The following GRID2IP variants were observed in gnomAD, a reference collection of about 807,000 sequenced individuals.
GRID2IP encodes the protein delphilin.
In GRID2IP, 78 loss-of-function variants were observed where a neutral mutation model predicts 114.3. That is an observed-to-expected ratio of 0.68 (90% CI 0.57 to 0.82). The LOEUF (loss-of-function observed/expected upper bound fraction) is 0.82. Ranked by LOEUF, GRID2IP falls within the 40% of genes least tolerant of loss-of-function variation. GRID2IP has a pLI of 0.00. For synonymous variants in GRID2IP, 809 were observed against 724.0 expected, an observed-to-expected ratio of 1.12 and a Z score of -1.89; for missense variants, 1,727 against 1,678.5, an observed-to-expected ratio of 1.03 and a Z score of -0.51.
intron 1 of GRID2IP, among the ~76,000 whole-genome samples, chr7:6,546,064 T>C (rs1186344901): frequency 2.0e-5 from 3 of 151,938 alleles, no homozygotes; most frequent in Non-Finnish European, 4.4e-5. Flanking sequence ...TGAGGTATCA[T>C]CACGGGACAC....
chr7:6,541,282 G>A (rs1230256765), intron 1 of GRID2IP, among the ~76,000 whole-genome samples: 1 of 152,170 alleles, frequency 6.6e-6, no homozygotes, highest in Non-Finnish European at 1.5e-5. Flanking sequence ...AAAGAGAGCT[G>A]TTCTAATAAA....
intron 2 of GRID2IP, among the ~76,000 whole-genome samples, chr7:6,533,674 C>CTTTT (rs1179952257): frequency 5.2e-5 from 7 of 135,512 alleles, no homozygotes; most frequent in African/African-American, 1.6e-4. Context: ...CATTTTTAAA[C>CTTTT]TTTTTTTTTT....
intron 2 of GRID2IP, among the ~76,000 whole-genome samples, chr7:6,538,602 G>T (rs1276033680): frequency 6.6e-6 from 1 of 152,010 alleles, no homozygotes; most frequent in Non-Finnish European, 1.5e-5. Flanking sequence ...ATCAGGCCGG[G>T]TACAGTGGCT....
intron 2 of GRID2IP, among the ~76,000 whole-genome samples, chr7:6,530,517 AC>A (rs1397666071): frequency 1.8e-5 from 1 of 54,268 alleles, no homozygotes; most frequent in East Asian, 4.7e-4. Context: ...CGCACCCCCC[AC>A]CCCCCTCGCC....
At position 6,497,821 on chromosome 7, in the gene GRID2IP, C is replaced by A. The variant is rs560310919; in HGVS notation, c.3589G>T (p.Gly1197Trp). Reference protein sequence around the residue: ...FERALSDLQAGEGLRSSGMVS... With the variant: ...FERALSDLQAWEGLRSSGMVS... ...ATCCCGGAGCTGCGCAGGCCCTCCC[C>A]GGCCTGCAGGTCACTCAGCGCTCGC... is the stretch of plus-strand genomic sequence containing the variant. The change falls in exon 22 of 22, where the codon GGG becomes TGG. Residue 1197 changes from glycine to tryptophan, a missense_variant. Transcript: ENST00000457091. 1 of 1,550,182 alleles carries A rather than the reference C, an allele frequency of 6.5e-7. No homozygotes were observed. The highest frequency in any genetic ancestry group is 8.7e-7 in the Non-Finnish European group (1 of 1,146,718).
At chr7:6,549,679 A>G (rs1358711034) in intron 1 of GRID2IP, among the ~76,000 whole-genome samples, 2 of 152,104 alleles carry the variant, frequency 1.3e-5, no homozygotes, top group Non-Finnish European at 2.9e-5. Flanking sequence ...GCAGTGCAGT[A>G]GCATGATCTC....
intron 4 of GRID2IP, among the ~76,000 whole-genome samples, chr7:6,525,053 C>T (rs1438817666): frequency 6.6e-6 from 1 of 152,022 alleles, no homozygotes; most frequent in Non-Finnish European, 1.5e-5. Context: ...GCCTGTAATT[C>T]CAGAACTTTA....
chr7:6,510,763 A>C, intron 9 of GRID2IP, 57 bp from the exon 10 acceptor site: 1 of 1,510,370 alleles, frequency 6.6e-7, no homozygotes. Context: ...GCCCCGGCCC[A>C]GAACCAACAT....
At chr7:6,531,247 GC>G (rs1340668102) in intron 2 of GRID2IP, 2 of 406,278 alleles carry the variant, frequency 4.9e-6, no homozygotes, top group Non-Finnish European at 8.6e-6. Context: ...CCGCAGCCCC[GC>G]CCTGGCCCCT....
In GRID2IP at chr7:6,532,673, G is replaced by A. The variant is rs749272997; in HGVS notation, c.585-5904C>T. On this transcript the variant is annotated intron_variant, in intron 2 of 21. Transcript: ENST00000457091. This position sits in a 1 kb window ranked among gnomAD's most constrained non-coding sequence, Gnocchi z 4.4. ...CTCCCAGCCAGCACAGCTCTCTGTCGTCTGTGGGGCCCCAGCCATCCCATT... is the reference window on the plus strand; with the variant it reads ...CTCCCAGCCAGCACAGCTCTCTGTCATCTGTGGGGCCCCAGCCATCCCATT... Among the ~76,000 whole-genome samples the A allele has an allele frequency of 8.5e-5, 13 of 152,202 alleles. No homozygotes were observed. The highest frequency in any genetic ancestry group is 1.7e-4 in the African/African-American group (7 of 41,458).
Position 6,510,267 on chromosome 7 carries a change from G to GA in GRID2IP, c.1771+15dup. ...GGAAACACCCAGACAGTAGATGACA[G>GA]AGGCTGGAGCCCTACCTGTGGTGAC... On this transcript the variant is annotated intron_variant, in intron 11 of 21. Coordinates refer to ENST00000457091, the MANE Select transcript of GRID2IP (RefSeq NM_001145118.2). 1 of 1,496,220 alleles carries GA rather than the reference G, an allele frequency of 6.7e-7. No individual in the cohort carries two copies. Among genetic ancestry groups the GA allele is most frequent in the Non-Finnish European group, 9.1e-7 (1 of 1,104,602 alleles). 92.7% of individuals were successfully genotyped at this position (1,496,220 alleles called of 1,614,324 possible).
Position 6,514,518 on chromosome 7 carries a change from G to A in GRID2IP, c.1280C>T (p.Thr427Ile). 1 of 1,525,018 alleles carries A rather than the reference G, an allele frequency of 6.6e-7. No homozygotes were observed. Among genetic ancestry groups the A allele is most frequent in the African/African-American group, 1.4e-5 (1 of 72,558 alleles). The allele number at this position is 1,525,018 out of a possible 1,614,324, so 94.5% of individuals were successfully genotyped here. A position where few individuals can be genotyped will look rare whatever the true frequency, so the allele number is the denominator to read the frequency against. Residue 427 changes from threonine (T) to isoleucine (I), a missense_variant, in exon 8 of 22, where the codon ACC becomes ATC. Physicochemically the swap from Thr to Ile is moderately conservative, Grantham distance 89 (BLOSUM62 -1). Coordinates refer to ENST00000457091, the MANE Select transcript of GRID2IP (RefSeq NM_001145118.2). ...ESFFQHRNID[T>I]LIVDVYPVLD... ...CACAGGGTAGACGTCAACGATGAGG[G>A]TGTCGATGTTCCTGGGGGAAGGTGC... is the stretch of plus-strand genomic sequence containing the variant.
At chr7:6,510,169 C>T in intron 11 of GRID2IP, 114 bp downstream of exon 11, 1 of 633,208 alleles carries the variant, frequency 1.6e-6, no homozygotes, top group Non-Finnish European at 2.7e-6. Context: ...GTCACAGGGC[C>T]ATGGGAGGGA....
Position 6,551,295 on chromosome 7 carries a change from G to T in GRID2IP, c.142C>A (p.Gln48Lys). ...GCCAGCCCCTCCACCTCCAGGATCT[G>T]GTCTCCTGGCCGCAGTCCTCCGGCA... ...AHAGGLRPGDQILEVEGLAVG... is the reference protein window; with the variant it reads ...AHAGGLRPGDKILEVEGLAVG... Residue 48 changes from glutamine to lysine, a missense_variant, in exon 1 of 22, where the codon CAG becomes AAG. Gln to Lys is a moderately conservative substitution (Grantham distance 53). Coordinates refer to ENST00000457091, the MANE Select transcript of GRID2IP (RefSeq NM_001145118.2). 1 of 1,542,428 alleles carries T rather than the reference G, an allele frequency of 6.5e-7. No individual in the cohort carries two copies. Among genetic ancestry groups the T allele is most frequent in the African/African-American group, 1.4e-5 (1 of 73,076 alleles).
chr7:6,506,679 GTAT>G lies in GRID2IP; in HGVS notation c.2545-775_2545-773del, dbSNP rs1786600218. On this transcript the variant is annotated intron_variant, in intron 13 of 21. Transcript: ENST00000457091. The surrounding 1 kb of genome is among the most constrained non-coding windows in gnomAD (Gnocchi z 5.2). ...TTATTTGTGCCCTTGTCTCACTGAG[GTAT>G]TTTTTTTTTTTTTTTTTTAGATAGG... 2.4e-5 allele frequency among the ~76,000 whole-genome samples: 3 copies of G among 127,272 alleles called. No individual in the cohort carries two copies. Among genetic ancestry groups the G allele is most frequent in the African/African-American group, 2.8e-5 (1 of 35,252 alleles). 83.5% of individuals were successfully genotyped at this position (127,272 alleles called of 152,430 possible).
rs533701615 is a variant in GRID2IP, at chr7:6,497,349, C to T, written c.*425G>A. 103 of 156,984 alleles carry T rather than the reference C, an allele frequency of 6.6e-4. No individual in the cohort carries two copies. The highest frequency in any genetic ancestry group is 2.3e-3 in the African/African-American group (97 of 41,762). The allele number at this position is 156,984 out of a possible 1,614,324, so 9.7% of individuals were successfully genotyped here. ...TCCGGCTTTCTGCCCTCTCGCGTCT[C>T]GCGCCTGCCTGCAGGGTCGTGCTCA... On this transcript the variant is annotated 3_prime_UTR_variant, in exon 22 of 22. Transcript: ENST00000457091.
chr7:6,514,403 T>C lies in GRID2IP; in HGVS notation c.1395A>G (p.Ala465=), dbSNP rs138298168. ...TCATGGCCGTGTAGCCCAGGAAGCA[T>C]GCGATTTTCTCCTGACAGAGCTCCT... is the stretch of plus-strand genomic sequence containing the variant. The part of the protein sequence containing the change: ...EEQELCQEKI[A]CFLGYTAMTA... The change falls in exon 8 of 22, where the codon GCA becomes GCG. Residue 465 remains alanine, a synonymous_variant. Transcript: ENST00000457091. 3 of 1,541,368 alleles carry C rather than the reference T, an allele frequency of 1.9e-6. No homozygotes were observed. The highest frequency in any genetic ancestry group is 1.2e-5 in the South Asian group (1 of 83,346).
At position 6,509,196 on chromosome 7, in the gene GRID2IP, T is replaced by C. The variant is rs1562514059; in HGVS notation, c.1889A>G (p.Tyr630Cys). 7 of 1,482,750 alleles carry C rather than the reference T, an allele frequency of 4.7e-6. No individual in the cohort carries two copies. Among genetic ancestry groups the C allele is most frequent in the Non-Finnish European group, 6.3e-6 (7 of 1,113,754 alleles). The allele number at this position is 1,482,750 out of a possible 1,614,324, so 91.8% of individuals were successfully genotyped here. A position where few individuals can be genotyped will look rare whatever the true frequency, so the allele number is the denominator to read the frequency against. The change falls in exon 12 of 22, where the codon TAC becomes TGC. Residue 630 changes from tyrosine (Y) to cysteine (C), a missense_variant. Transcript: ENST00000457091. This position sits in a 1 kb window ranked among gnomAD's most constrained non-coding sequence, Gnocchi z 4.9. Reference protein sequence around the residue: ...ASPSSSESHPYASLDSSRAPS... With the variant: ...ASPSSSESHPCASLDSSRAPS... ...TGCCCTGCTGCTGTCCAGGCTGGCG[T>C]AGGGGTGGGACTCAGAGCTGCTGGG...
At chr7:6,524,231 C>T (rs910915421) in intron 4 of GRID2IP, among the ~76,000 whole-genome samples, 3 of 152,284 alleles carry the variant, frequency 2.0e-5, no homozygotes, top group Non-Finnish European at 4.4e-5. Context: ...CGGGCTGGGA[C>T]TACAGGATCA....
Sources: allele counts gnomAD v4.1 joint callset (sites outside exome capture counted in the v4.1 genomes callset), GRCh38; gene constraint gnomAD v4.1.1; non-coding constraint Gnocchi (gnomAD v3.1); transcripts MANE v1.5; gene names NCBI Gene and HGNC (gene_info 2026-07-23, HGNC 2026-07-21).